Variants in FBP1 observed in about 807,000 individuals in gnomAD.
The protein encoded by FBP1 is fructose-bisphosphatase 1, also known as fructose-1,6-bisphosphatase 1.
In FBP1, 22 loss-of-function variants were observed where a neutral mutation model predicts 29.9. The observed-to-expected ratio is 0.74, with a 90% confidence interval of 0.53 to 1.05. The LOEUF is 1.05. Ranked by LOEUF, FBP1 falls within the 50% of genes least tolerant of loss-of-function variation. The pLI is 0.00. For synonymous variants in FBP1, 175 were observed against 178.6 expected (o/e 0.98, Z 0.16); for missense variants, 345 against 448.2 (o/e 0.77, Z 2.08).
chr9:94,620,938 G>C (rs893667215), intron 1 of FBP1, among the ~76,000 whole-genome samples: 4 of 152,220 alleles, frequency 2.6e-5, no homozygotes, highest in Admixed American at 2.6e-4. Flanking sequence ...AAAGGGCCGG[G>C]CGTGGTGGCT....
chr9:94,604,776 C>T (rs902634639), intron 6 of FBP1, among the ~76,000 whole-genome samples: 1 of 152,144 alleles, frequency 6.6e-6, no homozygotes, highest in Non-Finnish European at 1.5e-5. Context: ...GAGTAAGACT[C>T]TGCCTAAAAA....
intron 1 of FBP1, among the ~76,000 whole-genome samples, chr9:94,638,086 CAA>C (rs11308338): frequency 0.076 from 8,375 of 110,156 alleles, 838 homozygotes; most frequent in African/African-American, 0.24. Context: ...AATTCCATCT[CAA>C]AAAAAAAAAA....
chr9:94,626,908 G>T (rs974429921), intron 1 of FBP1, among the ~76,000 whole-genome samples: 1 of 152,028 alleles, frequency 6.6e-6, no homozygotes, highest in South Asian at 2.1e-4. Flanking sequence ...ACAAAAATTG[G>T]CCAGTCGCAG....
chr9:94,619,825 G>T lies in FBP1; in HGVS notation c.333+504C>A, dbSNP rs1156802235. ...GGAGGCGGAGGTTGCAGTGAGCCAA[G>T]ATCACACCACTGTACACCAGACTGG... On this transcript the variant is annotated intron_variant, in intron 2 of 6. Transcript: ENST00000375326. 6.6e-5 allele frequency among the ~76,000 whole-genome samples: 9 copies of T among 136,230 alleles called. No homozygotes were observed. The Admixed American group carries it at 7.6e-4, about 11-fold the overall frequency. The allele number at this position is 136,230 out of a possible 152,430, so 89.4% of individuals were successfully genotyped here. A position where few individuals can be genotyped will look rare whatever the true frequency, so the allele number is the denominator to read the frequency against.
chr9:94,604,924 C>T (rs1587852470), intron 6 of FBP1, among the ~76,000 whole-genome samples: 1 of 152,308 alleles, frequency 6.6e-6, no homozygotes, highest in Middle Eastern at 3.4e-3. Flanking sequence ...GCTGGGAACA[C>T]CATGGGCTTG....
At chr9:94,630,887 C>T (rs1828095593) in intron 1 of FBP1, among the ~76,000 whole-genome samples, 1 of 152,094 alleles carries the variant, frequency 6.6e-6, no homozygotes, top group African/African-American at 2.4e-5. Flanking sequence ...CATAGTACTC[C>T]CCACCAAGGC....
intron 4 of FBP1, among the ~76,000 whole-genome samples, chr9:94,608,934 C>T (rs1229213647): frequency 6.6e-6 from 1 of 152,274 alleles, no homozygotes; most frequent in South Asian, 2.1e-4. Context: ...GGCATGGTGG[C>T]TCATGCCTGT....
At chr9:94,630,006 G>A (rs1828079239) in intron 1 of FBP1, among the ~76,000 whole-genome samples, 1 of 152,276 alleles carries the variant, frequency 6.6e-6, no homozygotes, top group East Asian at 1.9e-4. Context: ...AGTGAGGTCT[G>A]AAGCAAAAGT....
At chr9:94,624,999 T>C (rs571439086) in intron 1 of FBP1, among the ~76,000 whole-genome samples, 2 of 152,176 alleles carry the variant, frequency 1.3e-5, no homozygotes, top group South Asian at 4.2e-4. Context: ...CAAGTTATCC[T>C]GTAACTGTGT....
In FBP1 at chr9:94,620,368, T is replaced by C; in HGVS notation, c.294A>G (p.Glu98=). 6.2e-7 allele frequency: 1 copy of C among 1,614,238 alleles called. No individual in the cohort carries two copies. Among genetic ancestry groups the C allele is most frequent in the Non-Finnish European group, 8.5e-7 (1 of 1,180,038 alleles). The change falls in exon 2 of 7, where the codon GAA becomes GAG. Residue 98 remains glutamate, a synonymous_variant. Coordinates refer to ENST00000375326, the MANE Select transcript of FBP1 (RefSeq NM_000507.4). ...SSFATCVLVS[E]EDKHAIIVEP... Reference sequence around the variant, plus strand: ...CCACTATGATGGCGTGTTTATCTTCTTCTGACACGAGAACACACGTGGCAA... The same window carrying C: ...CCACTATGATGGCGTGTTTATCTTCCTCTGACACGAGAACACACGTGGCAA...
intron 1 of FBP1, among the ~76,000 whole-genome samples, chr9:94,625,418 T>A (rs1828007978): frequency 6.6e-6 from 1 of 152,072 alleles, no homozygotes; most frequent in African/African-American, 2.4e-5. Context: ...GCGGCCCGCA[T>A]CCACCAAGCC....
chr9:94,633,707 T>C (rs1353730668), intron 1 of FBP1, among the ~76,000 whole-genome samples: 1 of 151,806 alleles, frequency 6.6e-6, no homozygotes, highest in Non-Finnish European at 1.5e-5. Context: ...TATGAAAGCA[T>C]CTTTCTTTTT....
At chr9:94,626,671 T>G (rs10993269) in intron 1 of FBP1, among the ~76,000 whole-genome samples, 78,648 of 152,026 alleles carry the variant, frequency 0.52, 20,607 homozygotes, top group East Asian at 0.81. Flanking sequence ...AGAGGAAAAA[T>G]TCCTCAGAAA....
upstream of FBP1, chr9:94,640,156 TC>T (rs1321279642): frequency 6.6e-6 from 1 of 152,226 alleles, no homozygotes; most frequent in African/African-American, 2.4e-5. Context: ...CCCGGAAGTT[TC>T]CCGGAAAACG....
chr9:94,617,585 A>C (rs1251078323), intron 3 of FBP1, among the ~76,000 whole-genome samples, 183 bp downstream of exon 3: 1 of 152,192 alleles, frequency 6.6e-6, no homozygotes, highest in African/African-American at 2.4e-5. Context: ...ATTCTCTTTC[A>C]ACAATCTAGT....
In FBP1 at chr9:94,603,324, G is replaced by C; in HGVS notation, c.*57C>G. ...GTGCACAGCAGGTCAGGGTACTGCT[G>C]TGTGAGACAAAAGGTCCAGGTAGAG... On this transcript the variant is annotated 3_prime_UTR_variant, in exon 7 of 7. Transcript: ENST00000375326. 7.1e-7 allele frequency: 1 copy of C among 1,413,190 alleles called. No individual in the cohort carries two copies. Among genetic ancestry groups the C allele is most frequent in the Non-Finnish European group, 9.9e-7 (1 of 1,007,086 alleles). 87.5% of individuals were successfully genotyped at this position (1,413,190 alleles called of 1,614,324 possible).
chr9:94,629,185 T>C (rs1828067250), intron 1 of FBP1, among the ~76,000 whole-genome samples: 1 of 151,880 alleles, frequency 6.6e-6, no homozygotes, highest in Non-Finnish European at 1.5e-5. Context: ...TCTCACCATG[T>C]TGACCAGGCT....
intron 3 of FBP1, among the ~76,000 whole-genome samples, chr9:94,612,341 A>G (rs1266229920): frequency 6.6e-6 from 1 of 152,106 alleles, no homozygotes; most frequent in Non-Finnish European, 1.5e-5. Flanking sequence ...CCTCGCCCAG[A>G]ACCATCCGTG....
chr9:94,638,231 G>A (rs1587870465), intron 1 of FBP1, among the ~76,000 whole-genome samples: 1 of 152,290 alleles, frequency 6.6e-6, no homozygotes, highest in East Asian at 1.9e-4. Context: ...CTCACAATGT[G>A]ATGAGTAGAC....
Sources: allele counts gnomAD v4.1 joint callset (sites outside exome capture counted in the v4.1 genomes callset), GRCh38; gene constraint gnomAD v4.1.1; transcripts MANE v1.5; gene names NCBI Gene and HGNC (gene_info 2026-07-23, HGNC 2026-07-21).